The following MGAT4C variants were observed in gnomAD, a reference collection of about 807,000 sequenced individuals.
MGAT4C encodes the protein MGAT4 family member C, also known as alpha-1,3-mannosyl-glycoprotein 4-beta-N-acetylglucosaminyltransferase C.
In MGAT4C, 19 loss-of-function variants were observed where a neutral mutation model predicts 40.1. The ratio of observed to expected loss-of-function variants is 0.47; its 90% CI spans 0.33 to 0.70. The LOEUF (loss-of-function observed/expected upper bound fraction) is 0.70, where lower values mean the gene tolerates loss of function less well. Among genes scored for constraint, MGAT4C ranks in the 30% least tolerant of loss-of-function variants. The pLI is 0.02. For missense variants in MGAT4C, 491 were observed against 563.2 expected (o/e 0.87, Z 1.30); for synonymous variants, 181 against 187.1 (o/e 0.97, Z 0.27).
At chr12:86,489,323 T>C (rs1054495457) in intron 2 of MGAT4C, among the ~76,000 whole-genome samples, 3 of 152,158 alleles carry the variant, frequency 2.0e-5, no homozygotes, top group African/African-American at 7.2e-5. Context: ...AGTAAAATTC[T>C]CTACATTCAT....
chr12:86,397,367 T>A (rs1956281046), intron 3 of MGAT4C, among the ~76,000 whole-genome samples: 1 of 152,138 alleles, frequency 6.6e-6, no homozygotes, highest in Admixed American at 6.6e-5. Flanking sequence ...TCAACTTGAT[T>A]TTTTTGCCTC....
intron 3 of MGAT4C, among the ~76,000 whole-genome samples, chr12:86,395,496 G>C (rs946851209): frequency 6.6e-6 from 1 of 152,144 alleles, no homozygotes; most frequent in Non-Finnish European, 1.5e-5. Flanking sequence ...CATCCAACAA[G>C]TAAGAGAAAA....
At chr12:86,748,709 C>T (rs1756556849) in intron 1 of MGAT4C, among the ~76,000 whole-genome samples, 1 of 151,376 alleles carries the variant, frequency 6.6e-6, no homozygotes, top group South Asian at 2.1e-4. Flanking sequence ...TCCATAGAGA[C>T]TTTAACTGTA....
chr12:86,264,273 C>T (rs1349038703), intron 4 of MGAT4C, among the ~76,000 whole-genome samples: 1 of 152,126 alleles, frequency 6.6e-6, no homozygotes, highest in East Asian at 1.9e-4. Context: ...ATGAGTTTTT[C>T]CTAGGTTTCC....
intron 2 of MGAT4C, among the ~76,000 whole-genome samples, chr12:86,010,133 A>T (rs1055088009): frequency 6.6e-6 from 1 of 152,220 alleles, no homozygotes; most frequent in Non-Finnish European, 1.5e-5. Flanking sequence ...TAAAAATACA[A>T]GAAGATAGAA....
At chr12:86,029,228 A>C (rs1162636414) in intron 2 of MGAT4C, among the ~76,000 whole-genome samples, 1 of 151,922 alleles carries the variant, frequency 6.6e-6, no homozygotes, top group Non-Finnish European at 1.5e-5. Context: ...TGTCAATATC[A>C]GATCAAAAAA....
intron 1 of MGAT4C, among the ~76,000 whole-genome samples, chr12:86,748,479 T>C (rs1951186303): frequency 6.6e-6 from 1 of 151,684 alleles, no homozygotes; most frequent in African/African-American, 2.4e-5. Flanking sequence ...CAAGGATAAT[T>C]GACTTTAACA....
chr12:86,197,803 A>T (rs910946768), intron 1 of MGAT4C, among the ~76,000 whole-genome samples: 1 of 152,226 alleles, frequency 6.6e-6, no homozygotes, highest in Admixed American at 6.5e-5. Context: ...TAGTAGAATT[A>T]TTCTTACACA....
chr12:86,282,744 T>C (rs1953251974), intron 4 of MGAT4C, among the ~76,000 whole-genome samples: 1 of 152,116 alleles, frequency 6.6e-6, no homozygotes, highest in Admixed American at 6.6e-5. Flanking sequence ...AGTCCTGTTT[T>C]TCAGCTTTTT....
intron 1 of MGAT4C, among the ~76,000 whole-genome samples, chr12:86,736,586 A>C (rs1950988691): frequency 6.6e-6 from 1 of 151,714 alleles, no homozygotes; most frequent in Non-Finnish European, 1.5e-5. Flanking sequence ...AGGGAAAACC[A>C]AACACCCAGG....
At chr12:86,545,438 G>A (rs1009051074) in intron 2 of MGAT4C, among the ~76,000 whole-genome samples, 3 of 151,666 alleles carry the variant, frequency 2.0e-5, no homozygotes, top group Non-Finnish European at 3.0e-5. Context: ...TTCAATATAG[G>A]TTGAATAATT....
chr12:86,114,317 G>A (rs1410944693), intron 1 of MGAT4C, among the ~76,000 whole-genome samples: 1 of 151,776 alleles, frequency 6.6e-6, no homozygotes, highest in African/African-American at 2.4e-5. Context: ...GTAGTGTACG[G>A]GTATGAATTC....
intron 2 of MGAT4C, among the ~76,000 whole-genome samples, chr12:86,548,254 G>T (rs555746680): frequency 6.5e-4 from 99 of 152,024 alleles, no homozygotes; most frequent in Non-Finnish European, 1.1e-3. Context: ...GTTAAAAGAT[G>T]ATCCACACTG....
intron 1 of MGAT4C, among the ~76,000 whole-genome samples, chr12:86,098,834 T>C (rs924384702): frequency 6.6e-6 from 1 of 151,638 alleles, no homozygotes; most frequent in Admixed American, 6.6e-5. Flanking sequence ...TATACTAAGC[T>C]AATTTTATTT....
intron 1 of MGAT4C, among the ~76,000 whole-genome samples, chr12:86,220,487 GTAAATGAATTTACCACCC>G (rs1950837009): frequency 1.3e-5 from 2 of 152,280 alleles, no homozygotes; most frequent in Admixed American, 1.3e-4. Context: ...TCAGTGGTTT[GTAAATGAATTTACCACCC>G]TAATCCCTTA....
intron 1 of MGAT4C, among the ~76,000 whole-genome samples, chr12:86,114,516 T>A (rs991833911): frequency 1.3e-5 from 2 of 151,746 alleles, no homozygotes; most frequent in African/African-American, 2.4e-5. Context: ...CTCTCTTGAT[T>A]TTTTTTTCAA....
chr12:86,275,385 A>C (rs894603416), intron 4 of MGAT4C, among the ~76,000 whole-genome samples: 1 of 152,198 alleles, frequency 6.6e-6, no homozygotes, highest in Non-Finnish European at 1.5e-5. Context: ...GAGCCGTATC[A>C]TAAGGATTTT....
intron 1 of MGAT4C, among the ~76,000 whole-genome samples, chr12:86,755,672 G>T (rs1951293434): frequency 7.2e-6 from 1 of 138,762 alleles, no homozygotes. Flanking sequence ...TTCTTTTCAG[G>T]GTCTCACTCT....
chr12:86,539,281 T>A (rs1282395857), intron 2 of MGAT4C, among the ~76,000 whole-genome samples: 1 of 152,072 alleles, frequency 6.6e-6, no homozygotes, highest in Non-Finnish European at 1.5e-5. Context: ...AGTGTTTGGT[T>A]TTCTGTCCTT....
Sources: gnomAD v4.1 joint callset for allele counts (sites outside exome capture counted in the v4.1 genomes callset) on GRCh38, gnomAD v4.1.1 for gene constraint, MANE v1.5 for transcripts, NCBI Gene and HGNC (gene_info 2026-07-23, HGNC 2026-07-21) for gene names.